The following NLGN4X variants were observed in gnomAD, a reference collection of about 807,000 sequenced individuals.
NLGN4X encodes the protein neuroligin-4, X-linked.
Under a neutral mutation model 40.3 loss-of-function variants are expected in NLGN4X, and 3 were observed. The observed-to-expected ratio is 0.07, with a 90% CI of 0.03 to 0.19. The LOEUF is 0.19. NLGN4X is among the 10% of genes least tolerant of loss of function. NLGN4X has a pLI of 1.00. For synonymous variants in NLGN4X, 270 were observed against 306.8 expected, an observed-to-expected ratio of 0.88 and a Z score of 1.25; for missense variants, 382 against 708.3, an observed-to-expected ratio of 0.54 and a Z score of 5.23.
chrX:6,171,093 G>C (rs2040596896), intron 1 of NLGN4X, among the ~76,000 whole-genome samples: 1 of 112,046 alleles, frequency 8.9e-6, no homozygotes, highest in African/African-American at 3.2e-5. Context: ...CAGAGTGCTG[G>C]GATTACAGGC....
intron 1 of NLGN4X, among the ~76,000 whole-genome samples, chrX:6,192,814 G>C (rs1408447735): frequency 8.9e-6 from 1 of 112,005 alleles, no homozygotes; most frequent in Non-Finnish European, 1.9e-5. Context: ...CTGTCCTCCA[G>C]GCAGACCCCA....
intron 3 of NLGN4X, among the ~76,000 whole-genome samples, chrX:5,940,362 AAG>A (rs2033883484): frequency 9.0e-6 from 1 of 111,475 alleles, no homozygotes; most frequent in South Asian, 3.7e-4. Flanking sequence ...ACTGCAATTT[AAG>A]AGAGAATTTT....
intron 3 of NLGN4X, among the ~76,000 whole-genome samples, chrX:5,934,539 T>C (rs1179044896): frequency 2.7e-5 from 3 of 111,354 alleles, no homozygotes; most frequent in Non-Finnish European, 5.7e-5. Context: ...TAAAAATCTA[T>C]ATGTTGTGAT....
intron 3 of NLGN4X, among the ~76,000 whole-genome samples, chrX:5,942,918 G>A (rs146303889): frequency 3.1e-4 from 34 of 111,010 alleles, no homozygotes; most frequent in Non-Finnish European, 5.1e-4. Flanking sequence ...CAAGATTCTC[G>A]TTCCCCTGGT....
At chrX:5,912,168 T>A (rs1211946908) in intron 3 of NLGN4X, among the ~76,000 whole-genome samples, 1 of 111,371 alleles carries the variant, frequency 9.0e-6, no homozygotes, top group African/African-American at 3.3e-5. Context: ...ACAGGTTATC[T>A]CATTACCCAG....
intron 2 of NLGN4X, among the ~76,000 whole-genome samples, chrX:6,069,601 G>T (rs1377470336): frequency 8.9e-6 from 1 of 112,201 alleles, no homozygotes; most frequent in Non-Finnish European, 1.9e-5. Flanking sequence ...TAAAGTGCTT[G>T]AATCATTTTA....
intron 2 of NLGN4X, among the ~76,000 whole-genome samples, chrX:6,037,347 G>A (rs1241130939): frequency 1.8e-5 from 2 of 109,750 alleles, no homozygotes; most frequent in African/African-American, 6.6e-5. Context: ...AAAAAAAATT[G>A]GAAAACGAAG....
intron 3 of NLGN4X, among the ~76,000 whole-genome samples, chrX:5,937,625 G>A (rs1025560513): frequency 9.0e-6 from 1 of 111,290 alleles, no homozygotes; most frequent in Non-Finnish European, 1.9e-5. Flanking sequence ...CCATAGTCAG[G>A]GATTCCAGAA....
intron 2 of NLGN4X, among the ~76,000 whole-genome samples, chrX:6,047,335 G>T (rs1414100317): frequency 9.0e-6 from 1 of 111,195 alleles, no homozygotes; most frequent in African/African-American, 3.3e-5. Context: ...AAAATTAGCT[G>T]GTCGTGGGGT....
In NLGN4X at chrX:6,081,243, A is replaced by G. The variant is rs759293995; in HGVS notation, c.473-51811T>C. 6.3e-5 allele frequency among the ~76,000 whole-genome samples: 7 copies of G among 111,796 alleles called. No homozygotes were observed. In the East Asian group the frequency reaches 2.0e-3, roughly 31 times the overall value. On this transcript the variant is annotated intron_variant, in intron 2 of 5. Coordinates refer to ENST00000381095, the MANE Select transcript of NLGN4X (RefSeq NM_181332.3). ...GTTGAGGCTGCAGGGAGCTGTGGACATGCCACTGCAATCCAGCCTGGGTGA... is the reference window on the plus strand; with the variant it reads ...GTTGAGGCTGCAGGGAGCTGTGGACGTGCCACTGCAATCCAGCCTGGGTGA...
intron 2 of NLGN4X, among the ~76,000 whole-genome samples, chrX:6,030,333 T>C (rs2036819181): frequency 2.7e-5 from 3 of 109,593 alleles, no homozygotes; most frequent in Admixed American, 2.0e-4. Context: ...TAATCAGCCA[T>C]TAGGGCTGCA....
At chrX:5,979,726 G>A (rs5961908) in intron 3 of NLGN4X, among the ~76,000 whole-genome samples, 11,569 of 50,074 alleles carry the variant, frequency 0.23, 1,049 homozygotes, top group East Asian at 0.41. Flanking sequence ...ATATATATAT[G>A]TGTGTATATA....
chrX:6,021,048 CCCT>C (rs2036530304), intron 3 of NLGN4X, among the ~76,000 whole-genome samples: 1 of 17,791 alleles, frequency 5.6e-5, no homozygotes, highest in Non-Finnish European at 8.7e-5. Context: ...CTCTCTCTCT[CCCT>C]CCCTCCCTCC....
At chrX:6,144,500 T>C (rs1467917070) in intron 2 of NLGN4X, among the ~76,000 whole-genome samples, 1 of 111,607 alleles carries the variant, frequency 9.0e-6, no homozygotes, top group Non-Finnish European at 1.9e-5. Context: ...GTTTCTTCCA[T>C]GGGGCTAGAA....
At chrX:6,162,597 C>T (rs1315808373) in intron 1 of NLGN4X, among the ~76,000 whole-genome samples, 1 of 111,643 alleles carries the variant, frequency 9.0e-6, no homozygotes, top group Non-Finnish European at 1.9e-5. Context: ...TGCTCCTCAG[C>T]TTGCAGATGG....
chrX:6,047,756 T>G (rs1055940505), intron 2 of NLGN4X, among the ~76,000 whole-genome samples: 5 of 111,778 alleles, frequency 4.5e-5, no homozygotes, highest in African/African-American at 1.6e-4. Flanking sequence ...GAGGTATGTG[T>G]GCAGATTATC....
intron 2 of NLGN4X, among the ~76,000 whole-genome samples, chrX:6,122,062 C>T (rs939585550): frequency 9.0e-6 from 1 of 111,372 alleles, no homozygotes; most frequent in African/African-American, 3.3e-5. Context: ...TAACTGCACA[C>T]GACAGTTTTC....
At chrX:5,900,266 G>A (rs750794397) in intron 5 of NLGN4X, among the ~76,000 whole-genome samples, 6 of 112,067 alleles carry the variant, frequency 5.4e-5, no homozygotes, top group Non-Finnish European at 1.1e-4. Flanking sequence ...CTAGAGTAGG[G>A]TGAGCTTCTA....
intron 4 of NLGN4X, among the ~76,000 whole-genome samples, chrX:5,908,327 C>T (rs1476249688): frequency 2.7e-5 from 3 of 110,464 alleles, no homozygotes; most frequent in African/African-American, 9.9e-5. Flanking sequence ...TCAATATTTC[C>T]AGAAGATTTA....
Sources: gnomAD v4.1 joint callset for allele counts (sites outside exome capture counted in the v4.1 genomes callset) on GRCh38, gnomAD v4.1.1 for gene constraint, MANE v1.5 for transcripts, NCBI Gene and HGNC (gene_info 2026-07-23, HGNC 2026-07-21) for gene names.